KLHL29: variants seen among roughly 807,000 people sequenced by gnomAD.
KLHL29 encodes the protein kelch-like protein 29.
A neutral mutation model predicts 80.4 loss-of-function variants in KLHL29; 21 were observed. The ratio of observed to expected loss-of-function variants is 0.26; its 90% CI spans 0.19 to 0.38. The LOEUF is 0.38. Ranked by LOEUF, KLHL29 falls within the 10% of genes least tolerant of loss-of-function variation. KLHL29 has a pLI of 1.00. For synonymous variants in KLHL29, 511 were observed against 526.8 expected (o/e 0.97, Z 0.41); for missense variants, 867 against 1,223.9 (o/e 0.71, Z 4.35).
chr2:23,601,970 A>G (rs1162425422), intron 3 of KLHL29, among the ~76,000 whole-genome samples: 1 of 152,124 alleles, frequency 6.6e-6, no homozygotes, highest in Non-Finnish European at 1.5e-5. Flanking sequence ...GGGGCTCTGG[A>G]GCCAGGGGAG....
In KLHL29 at chr2:23,570,662, A is replaced by T. The variant is rs182273423; in HGVS notation, c.285+8181A>T. Among the ~76,000 whole-genome samples, 975 of 152,112 alleles carry T rather than the reference A, an allele frequency of 6.4e-3. 28 individuals are homozygous for T. Among genetic ancestry groups the T allele is most frequent in the Admixed American group, 0.043 (654 of 15,280 alleles). The stretch of plus-strand genomic sequence containing the variant: ...AAGTCACTCACATTCCATGTTCTTA[A>T]TTTTTTTCACACCTGAAGGGGTGGA... On this transcript the variant is annotated intron_variant, in intron 3 of 13. Transcript: ENST00000486442.
intron 3 of KLHL29, among the ~76,000 whole-genome samples, chr2:23,601,877 C>G (rs924352114): frequency 4.6e-5 from 7 of 152,186 alleles, no homozygotes; most frequent in African/African-American, 1.7e-4. Flanking sequence ...GTTTGCACAC[C>G]AAGCCCTCCG....
At chr2:23,436,445 C>T (rs1219631316) in intron 1 of KLHL29, among the ~76,000 whole-genome samples, 1 of 151,970 alleles carries the variant, frequency 6.6e-6, no homozygotes, top group Non-Finnish European at 1.5e-5. Context: ...GTGGTGATAG[C>T]CACAGACACC....
At chr2:23,439,090 A>T (rs1392231860) in intron 1 of KLHL29, among the ~76,000 whole-genome samples, 1 of 149,686 alleles carries the variant, frequency 6.7e-6, no homozygotes, top group Non-Finnish European at 1.5e-5. Context: ...TTTCTAGTTT[A>T]TTTGCATAGA....
At chr2:23,577,552 G>T (rs1195016433) in intron 3 of KLHL29, among the ~76,000 whole-genome samples, 4 of 152,098 alleles carry the variant, frequency 2.6e-5, no homozygotes, top group African/African-American at 9.7e-5. Flanking sequence ...TTCAAGACCA[G>T]CCTGGCAAAC....
At chr2:23,541,775 A>C (rs1415341098) in intron 2 of KLHL29, among the ~76,000 whole-genome samples, 1 of 151,778 alleles carries the variant, frequency 6.6e-6, no homozygotes, top group East Asian at 1.9e-4. Flanking sequence ...CAAAAAACAA[A>C]AAAAAAAAAA....
chr2:23,453,416 T>A (rs1240309134), intron 1 of KLHL29, among the ~76,000 whole-genome samples: 1 of 152,252 alleles, frequency 6.6e-6, no homozygotes, highest in East Asian at 1.9e-4. Context: ...ATCTCCCACA[T>A]TGAGGCTTTT....
At chr2:23,606,401 C>T (rs17045705) in intron 3 of KLHL29, among the ~76,000 whole-genome samples, 26,010 of 151,994 alleles carry the variant, frequency 0.17, 2,893 homozygotes, top group Admixed American at 0.3. Context: ...GCAAGGCGCC[C>T]TTCCTGTGAC....
At chr2:23,568,561 G>A (rs13035193) in intron 3 of KLHL29, among the ~76,000 whole-genome samples, 86,161 of 152,086 alleles carry the variant, frequency 0.57, 27,262 homozygotes, top group East Asian at 0.78. Flanking sequence ...AGGGTACCAA[G>A]AGCAGCAAGA....
chr2:23,692,381 G>T lies in KLHL29; in HGVS notation c.1282+505G>T, dbSNP rs540125652. Among the ~76,000 whole-genome samples, 3 of 152,376 alleles carry T rather than the reference G, an allele frequency of 2.0e-5. No individual in the cohort carries two copies. The South Asian group carries it at 6.2e-4, about 32-fold the overall frequency. ...CTGAGTGTCAGGAGCTCCCGGGGGG[G>T]TCGCTGACCCGAACAACATGCTGCC... On this transcript the variant is annotated intron_variant, in intron 7 of 13. Coordinates refer to ENST00000486442, the MANE Select transcript of KLHL29 (RefSeq NM_052920.2).
At chr2:23,507,932 A>G (rs940599839) in intron 2 of KLHL29, among the ~76,000 whole-genome samples, 53 of 152,214 alleles carry the variant, frequency 3.5e-4, no homozygotes, top group African/African-American at 1.1e-3. Flanking sequence ...ATGATTGCCA[A>G]TCAAACTGGG....
intron 1 of KLHL29, among the ~76,000 whole-genome samples, chr2:23,460,864 G>A (rs1313616306): frequency 3.9e-5 from 6 of 152,194 alleles, no homozygotes; most frequent in African/African-American, 1.4e-4. Flanking sequence ...TCCCGTGAAG[G>A]GAGCATCGTG....
intron 1 of KLHL29, among the ~76,000 whole-genome samples, chr2:23,466,696 T>G (rs1443525546): frequency 6.6e-6 from 1 of 152,244 alleles, no homozygotes; most frequent in Non-Finnish European, 1.5e-5. Flanking sequence ...CAGGTATCTT[T>G]GTTATGGTTT....
chr2:23,386,286 G>A (rs1666180943), intron 1 of KLHL29, among the ~76,000 whole-genome samples: 1 of 152,190 alleles, frequency 6.6e-6, no homozygotes, highest in South Asian at 2.1e-4. Flanking sequence ...AGCCAGGTTG[G>A]GGTTTTCTGC....
At position 23,680,735 on chromosome 2, in the gene KLHL29, C is replaced by A. The variant is rs1314866077; in HGVS notation, c.941-3664C>A. On this transcript the variant is annotated intron_variant, in intron 5 of 13. Transcript: ENST00000486442. This position sits in a 1 kb window ranked among gnomAD's most constrained non-coding sequence, Gnocchi z 4.1. ...TCCCCTGGGGTCTCTAGGCCATCTT[C>A]CCCTGGGGTCTCTAGGCCATCTTCT... Among the ~76,000 whole-genome samples, 1 of 151,666 alleles carries A rather than the reference C, an allele frequency of 6.6e-6. No individual in the cohort carries two copies. The highest frequency in any genetic ancestry group is 6.6e-5 in the Admixed American group (1 of 15,254).
At chr2:23,581,671 CA>C (rs1667985527) in intron 3 of KLHL29, among the ~76,000 whole-genome samples, 3 of 151,666 alleles carry the variant, frequency 2.0e-5, no homozygotes, top group Non-Finnish European at 4.4e-5. Flanking sequence ...ACTAAAAATA[CA>C]AAAAAAGTAG....
intron 2 of KLHL29, among the ~76,000 whole-genome samples, chr2:23,487,187 G>A (rs1002001426): frequency 2.6e-5 from 4 of 151,984 alleles, no homozygotes; most frequent in Non-Finnish European, 5.9e-5. Context: ...TGTGACCTTT[G>A]TCTCTCCAGC....
chr2:23,627,834 C>T (rs1235071099), intron 3 of KLHL29, among the ~76,000 whole-genome samples: 4 of 151,678 alleles, frequency 2.6e-5, no homozygotes, highest in Admixed American at 2.6e-4. Context: ...TCCCTTTTCC[C>T]AGTGAGTCTT....
chr2:23,637,515 T>G (rs1267351799), intron 3 of KLHL29, among the ~76,000 whole-genome samples: 1 of 152,190 alleles, frequency 6.6e-6, no homozygotes, highest in African/African-American at 2.4e-5. Context: ...TTTCTTGCTC[T>G]GTTCACAAAA....
Sources: gnomAD v4.1 joint callset for allele counts (sites outside exome capture counted in the v4.1 genomes callset) on GRCh38, gnomAD v4.1.1 for gene constraint, Gnocchi (gnomAD v3.1) non-coding constraint, MANE v1.5 for transcripts, NCBI Gene and HGNC (gene_info 2026-07-23, HGNC 2026-07-21) for gene names.